PRRT3: variants seen among roughly 807,000 people sequenced by gnomAD.
PRRT3 encodes the protein proline rich transmembrane protein 3.
Under a neutral mutation model 56.6 loss-of-function variants are expected in PRRT3, and 48 were observed. The ratio of observed to expected loss-of-function variants is 0.85; its 90% confidence interval spans 0.67 to 1.08. The LOEUF (loss-of-function observed/expected upper bound fraction) is 1.08. PRRT3 is among the 50% of genes least tolerant of loss of function. PRRT3 has a pLI of 0.00. For synonymous variants in PRRT3, 641 were observed against 619.1 expected (o/e 1.04, Z -0.52); for missense variants, 1,370 against 1,353.1 (o/e 1.01, Z -0.20).
intron 3 of PRRT3, 93 bp downstream of exon 3, chr3:9,948,665 A>AT: frequency 6.8e-7 from 1 of 1,468,440 alleles, no homozygotes; most frequent in Non-Finnish European, 9.5e-7. Context: ...GTCTCCATTC[A>AT]TTCCCCACCC....
Position 9,946,234 on chromosome 3 carries a change from T to C in PRRT3, c.2939A>G (p.Glu980Gly). The change falls in exon 4 of 4, where the codon GAG becomes GGG. Residue 980 changes from glutamate to glycine, a missense_variant. Glu to Gly is a moderately conservative substitution (Grantham distance 98, BLOSUM62 -2). Transcript: ENST00000412055. The surrounding 1 kb of genome is among the most constrained non-coding windows in gnomAD (Gnocchi z 4.1). The part of the protein sequence containing the change: ...ESRSASSDTI[E>G]L Reference sequence around the variant, plus strand: ...CTGCGTCAGGACCGCTCTTCAAAGCTCGATGGTATCACTGGAGGCGCTGCG... The same window carrying C: ...CTGCGTCAGGACCGCTCTTCAAAGCCCGATGGTATCACTGGAGGCGCTGCG... 4 of 1,612,130 alleles carry C rather than the reference T, an allele frequency of 2.5e-6. No individual in the cohort carries two copies. The highest frequency in any genetic ancestry group is 1.1e-5 in the South Asian group (1 of 90,892).
rs1030465121 is a variant in PRRT3, at chr3:9,946,309, T to C, written c.2864A>G (p.Gln955Arg). Residue 955 changes from glutamine to arginine, a missense_variant, in exon 4 of 4, where the codon CAG (glutamine) becomes CGG (arginine). Gln to Arg is a conservative substitution (Grantham distance 43). Coordinates refer to ENST00000412055, the MANE Select transcript of PRRT3 (RefSeq NM_207351.5). The surrounding 1 kb of genome is among the most constrained non-coding windows in gnomAD (Gnocchi z 4.1). ...TPAPDSTAAR[Q>R]GDGQGEVQPR... Reference sequence around the variant, plus strand: ...CTGGACCTCTCCCTGGCCGTCCCCCTGCCGAGCGGCGGTAGAATCAGGGGC... The same window carrying C: ...CTGGACCTCTCCCTGGCCGTCCCCCCGCCGAGCGGCGGTAGAATCAGGGGC... The C allele has an allele frequency of 1.2e-5, 19 of 1,612,548 alleles. No individual in the cohort carries two copies. Among genetic ancestry groups the C allele is most frequent in the Non-Finnish European group, 1.4e-5 (17 of 1,179,800 alleles).
rs891037099 is a variant in PRRT3, at chr3:9,948,242, C to T, written c.1172-241G>A. ...AATGCTACTATCAGGGAGGTAGTAC[C>T]CCAGCAGTTCGACACATGGGCTGCA... On this transcript the variant is annotated intron_variant, in intron 3 of 3. Coordinates refer to ENST00000412055, the MANE Select transcript of PRRT3 (RefSeq NM_207351.5). The T allele has an allele frequency of 7.6e-6, 3 of 393,274 alleles. No individual in the cohort carries two copies. In the Admixed American group the frequency reaches 1.3e-4, roughly 17 times the overall value. 24.4% of individuals were successfully genotyped at this position (393,274 alleles called of 1,614,324 possible). A position where few individuals can be genotyped will look rare whatever the true frequency, so the allele number is the denominator to read the frequency against.
At chr3:9,948,182 T>A in intron 3 of PRRT3, 181 bp from the exon 4 acceptor site, 1 of 527,506 alleles carries the variant, frequency 1.9e-6, no homozygotes, top group Non-Finnish European at 2.9e-6. Context: ...CAACACCCAG[T>A]AAGTGCTAAA....
At position 9,949,945 on chromosome 3, in the gene PRRT3, G is replaced by A; in HGVS notation, c.171C>T (p.Ala57=). The part of the protein sequence containing the change: ...PKGSVGSEPQ[A]FDVFPENPRA... ...TGGGGTTCTCCGGGAACACGTCAAA[G>A]GCCTGGGGCTCTGAGCCCACAGAGC... is the stretch of plus-strand genomic sequence containing the variant. The change falls in exon 2 of 4, where the codon GCC becomes GCT. Residue 57 remains alanine (A), a synonymous_variant. Transcript: ENST00000412055. The surrounding 1 kb of genome is among the most constrained non-coding windows in gnomAD (Gnocchi z 4.5). 1 of 1,596,536 alleles carries A rather than the reference G, an allele frequency of 6.3e-7. No homozygotes were observed. The highest frequency in any genetic ancestry group is 8.5e-7 in the Non-Finnish European group (1 of 1,172,048).
Position 9,947,078 on chromosome 3 carries a change from C to A in PRRT3, c.2095G>T (p.Ala699Ser). The A allele has an allele frequency of 6.5e-7, 1 of 1,534,224 alleles. No homozygotes were observed. ...GTGGGCGGCCTGGGTCTCGCGGCAG[C>A]CACCGCGGCCAACGCCAGGGCGAGC... is the stretch of plus-strand genomic sequence containing the variant. The part of the protein sequence containing the change: ...WALALALAAV[A>S]AARPRPPTEH... The change falls in exon 4 of 4, where the codon GCT becomes TCT. Residue 699 changes from alanine to serine, a missense_variant. Ala to Ser is a moderately conservative substitution (Grantham distance 99). Coordinates refer to ENST00000412055, the MANE Select transcript of PRRT3 (RefSeq NM_207351.5). The surrounding 1 kb of genome is among the most constrained non-coding windows in gnomAD (Gnocchi z 9.2).
rs116497247 is a variant in PRRT3, at chr3:9,949,357, G to A, written c.759C>T (p.Gly253=). The change falls in exon 2 of 4, where the codon GGC becomes GGT. Residue 253 remains glycine (G), a synonymous_variant. Coordinates refer to ENST00000412055, the MANE Select transcript of PRRT3 (RefSeq NM_207351.5). This position sits in a 1 kb window ranked among gnomAD's most constrained non-coding sequence, Gnocchi z 4.5. ...TQQDPAAPDV[G]SVPPVEVVYS... is the part of the protein sequence containing the mutation. ...ACACCACCTCAACTGGGGGTACTGA[G>A]CCAACATCAGGGGCTGCTGGATCCT... 0.02 allele frequency: 32,023 copies of A among 1,614,188 alleles called. 365 individuals carry two copies. Among genetic ancestry groups the A allele is most frequent in the Non-Finnish European group, 0.023 (27,592 of 1,180,026 alleles).
intron 2 of PRRT3, 24 bp from the exon 3 acceptor site, chr3:9,948,937 C>A: frequency 1.3e-6 from 2 of 1,545,596 alleles, no homozygotes; most frequent in South Asian, 1.2e-5. Flanking sequence ...GCAGTCATCA[C>A]CTTACCTGAC....
chr3:9,946,642 G>A lies in PRRT3; in HGVS notation c.2531C>T (p.Pro844Leu). 1 of 1,396,656 alleles carries A rather than the reference G, an allele frequency of 7.2e-7. No individual in the cohort carries two copies. The highest frequency in any genetic ancestry group is 1.6e-5 in the South Asian group (1 of 62,290). 86.5% of individuals were successfully genotyped at this position (1,396,656 alleles called of 1,614,324 possible). A position where few individuals can be genotyped will look rare whatever the true frequency, so the allele number is the denominator to read the frequency against. ...CCGGCGCGGCCGCAGAGCGCCTCCA[G>A]GCGGCGGGGAGGCCAGGCCGCGGAG... is the stretch of plus-strand genomic sequence containing the variant. ...CGLRGLASPP[P>L]GGALRPRRGS... Residue 844 changes from proline to leucine, a missense_variant, in exon 4 of 4, where the codon CCT becomes CTT. Coordinates refer to ENST00000412055, the MANE Select transcript of PRRT3 (RefSeq NM_207351.5). This position sits in a 1 kb window ranked among gnomAD's most constrained non-coding sequence, Gnocchi z 4.1.
In PRRT3 at chr3:9,949,466, G is replaced by C; in HGVS notation, c.650C>G (p.Thr217Ser). 1 of 1,614,100 alleles carries C rather than the reference G, an allele frequency of 6.2e-7. No individual in the cohort carries two copies. Among genetic ancestry groups the C allele is most frequent in the Non-Finnish European group, 8.5e-7 (1 of 1,180,008 alleles). The change falls in exon 2 of 4, where the codon ACT becomes AGT. Residue 217 changes from threonine to serine, a missense_variant. Transcript: ENST00000412055. This position sits in a 1 kb window ranked among gnomAD's most constrained non-coding sequence, Gnocchi z 4.5. ...TCCTTCCAGCACTGGCCTCTTGACA[G>C]TACCTGAGTGGGAAACAAGGGTGTG... ...PPHTLVSHSG[T>S]VKRPVLEGQG...
chr3:9,947,968 C>G lies in PRRT3; in HGVS notation c.1205G>C (p.Ser402Thr), dbSNP rs778331758. The G allele has an allele frequency of 1.0e-5, 14 of 1,363,894 alleles. No individual in the cohort carries two copies. The African/African-American group carries it at 1.7e-4, about 16-fold the overall frequency. The allele number at this position is 1,363,894 out of a possible 1,614,324, so 84.5% of individuals were successfully genotyped here. The change falls in exon 4 of 4, where the codon AGC becomes ACC. Residue 402 changes from serine (S) to threonine (T), a missense_variant. Physicochemically the swap from Ser to Thr is moderately conservative, Grantham distance 58. Coordinates refer to ENST00000412055, the MANE Select transcript of PRRT3 (RefSeq NM_207351.5). The surrounding 1 kb of genome is among the most constrained non-coding windows in gnomAD (Gnocchi z 9.2). ...EAEEWPGRPQ[S>T]HPPAPPVQAP... ...CTGGACTGGGGGTGCTGGGGGATGG[C>G]TTTGGGGGCGCCCCGGCCACTCCTC...
chr3:9,949,167 C>A lies in PRRT3; in HGVS notation c.949G>T (p.Asp317Tyr), dbSNP rs1332154823. The A allele has an allele frequency of 6.2e-7, 1 of 1,612,452 alleles. No individual in the cohort carries two copies. Among genetic ancestry groups the A allele is most frequent in the East Asian group, 2.2e-5 (1 of 44,872 alleles). ...PKQADLPDAKDSPGPQPTDPP... is the reference protein window; with the variant it reads ...PKQADLPDAKYSPGPQPTDPP... Reference sequence around the variant, plus strand: ...TCCGTGGGCTGGGGTCCTGGTGAATCCTTAGCGTCAGGAAGGTCAGCCTGC... The same window carrying A: ...TCCGTGGGCTGGGGTCCTGGTGAATACTTAGCGTCAGGAAGGTCAGCCTGC... The change falls in exon 2 of 4, where the codon GAT (aspartate) becomes TAT (tyrosine). Residue 317 changes from aspartate to tyrosine, a missense_variant. Physicochemically the swap from Asp to Tyr is radical, Grantham distance 160 (BLOSUM62 -3). Coordinates refer to ENST00000412055, the MANE Select transcript of PRRT3 (RefSeq NM_207351.5). The surrounding 1 kb of genome is among the most constrained non-coding windows in gnomAD (Gnocchi z 4.5).
At chr3:9,948,227 T>A in intron 3 of PRRT3, 1 of 406,808 alleles carries the variant, frequency 2.5e-6, no homozygotes. Context: ...AATGCTACTA[T>A]CAGGGAGGTA....
In PRRT3 at chr3:9,946,287, G is replaced by T. The variant is rs2085516133; in HGVS notation, c.2886C>A (p.Val962=). The T allele has an allele frequency of 1.9e-6, 3 of 1,612,606 alleles. No individual in the cohort carries two copies. Among genetic ancestry groups the T allele is most frequent in the Non-Finnish European group, 2.5e-6 (3 of 1,179,874 alleles). Reference sequence around the variant, plus strand: ...ATTCCCCAGGCTTGCCGCGCGGCTGGACCTCTCCCTGGCCGTCCCCCTGCC... The same window carrying T: ...ATTCCCCAGGCTTGCCGCGCGGCTGTACCTCTCCCTGGCCGTCCCCCTGCC... ...AARQGDGQGE[V]QPRGKPGESR... The change falls in exon 4 of 4, where the codon GTC becomes GTA. Residue 962 remains valine, a synonymous_variant. Transcript: ENST00000412055. The surrounding 1 kb of genome is among the most constrained non-coding windows in gnomAD (Gnocchi z 4.1).
Position 9,946,387 on chromosome 3 carries a change from A to G in PRRT3, c.2786T>C (p.Leu929Pro). ...WRHGLSSVDSLPLDELPSTVQ... is the reference protein window; with the variant it reads ...WRHGLSSVDSPPLDELPSTVQ... Reference sequence around the variant, plus strand: ...CGTGCTGGGCAACTCATCTAGGGGCAGACTGTCCACTGATGACAGCCCGTG... The same window carrying G: ...CGTGCTGGGCAACTCATCTAGGGGCGGACTGTCCACTGATGACAGCCCGTG... The change falls in exon 4 of 4, where the codon CTG (leucine) becomes CCG (proline). Residue 929 changes from leucine to proline, a missense_variant. Coordinates refer to ENST00000412055, the MANE Select transcript of PRRT3 (RefSeq NM_207351.5). The surrounding 1 kb of genome is among the most constrained non-coding windows in gnomAD (Gnocchi z 4.1). The G allele has an allele frequency of 6.2e-7, 1 of 1,608,446 alleles. No individual in the cohort carries two copies. Among genetic ancestry groups the G allele is most frequent in the Non-Finnish European group, 8.5e-7 (1 of 1,176,808 alleles).
chr3:9,948,137 C>G (rs2085561455), intron 3 of PRRT3, 136 bp from the exon 4 acceptor site: 1 of 923,696 alleles, frequency 1.1e-6, no homozygotes, highest in Non-Finnish European at 1.4e-6. Context: ...TGCCTCATTG[C>G]GTTGTGAAGA....
In PRRT3 at chr3:9,947,802, C is replaced by G; in HGVS notation, c.1371G>C (p.Pro457=). ...SSPPANATAP[P]LRWGPLRRVL... is the part of the protein sequence containing the mutation. ...CCCGCCGAAGGGGGCCCCAGCGTAG[C>G]GGGGGTGCAGTGGCGTTGGCTGGGG... The change falls in exon 4 of 4, where the codon CCG becomes CCC. Residue 457 remains proline (P), a synonymous_variant. Transcript: ENST00000412055. This position sits in a 1 kb window ranked among gnomAD's most constrained non-coding sequence, Gnocchi z 9.2. 6.9e-7 allele frequency: 1 copy of G among 1,456,006 alleles called. No homozygotes were observed. The highest frequency in any genetic ancestry group is 9.1e-7 in the Non-Finnish European group (1 of 1,104,704). 90.2% of individuals were successfully genotyped at this position (1,456,006 alleles called of 1,614,324 possible). A position where few individuals can be genotyped will look rare whatever the true frequency, so the allele number is the denominator to read the frequency against.
Position 9,949,447 on chromosome 3 carries a change from C to T in PRRT3, c.669G>A (p.Leu223=), listed in dbSNP as rs1257283907. The T allele has an allele frequency of 1.9e-6, 3 of 1,614,134 alleles. No individual in the cohort carries two copies. Among genetic ancestry groups the T allele is most frequent in the South Asian group, 1.1e-5 (1 of 91,086 alleles). ...SHSGTVKRPV[L]EGQGGFEEHL... ...GTTCCTCAAACCCACCCTGTCCTTC[C>T]AGCACTGGCCTCTTGACAGTACCTG... Residue 223 remains leucine, a synonymous_variant, in exon 2 of 4, where the codon CTG becomes CTA. Transcript: ENST00000412055. The surrounding 1 kb of genome is among the most constrained non-coding windows in gnomAD (Gnocchi z 4.5).
At position 9,946,857 on chromosome 3, in the gene PRRT3, C is replaced by G; in HGVS notation, c.2316G>C (p.Trp772Cys). Residue 772 changes from tryptophan to cysteine, a missense_variant, in exon 4 of 4, where the codon TGG becomes TGC. Coordinates refer to ENST00000412055, the MANE Select transcript of PRRT3 (RefSeq NM_207351.5). The surrounding 1 kb of genome is among the most constrained non-coding windows in gnomAD (Gnocchi z 4.1). ...GQLATPSSGA[W>C]GSAASLGRGP... Reference sequence around the variant, plus strand: ...CGCGACCCAACGACGCAGCCGAGCCCCAGGCGCCTGAACTGGGCGTGGCCA... The same window carrying G: ...CGCGACCCAACGACGCAGCCGAGCCGCAGGCGCCTGAACTGGGCGTGGCCA... 1 of 1,539,572 alleles carries G rather than the reference C, an allele frequency of 6.5e-7. No individual in the cohort carries two copies. Among genetic ancestry groups the G allele is most frequent in the Non-Finnish European group, 8.7e-7 (1 of 1,148,450 alleles).
Sources: allele counts gnomAD v4.1 joint callset, GRCh38; gene constraint gnomAD v4.1.1; non-coding constraint Gnocchi (gnomAD v3.1); transcripts MANE v1.5; gene names NCBI Gene and HGNC (gene_info 2026-07-23, HGNC 2026-07-21).